ZBTB25: variants seen among roughly 807,000 people sequenced by gnomAD.
ZBTB25 encodes zinc finger and BTB domain containing 25.
ZBTB25 carries 20 observed loss-of-function variants against 34.2 expected under a neutral mutation model. The ratio of observed to expected loss-of-function variants is 0.58; its 90% CI spans 0.41 to 0.85. The LOEUF is 0.85. Among genes scored for constraint, ZBTB25 ranks in the 40% least tolerant of loss-of-function variants. The pLI is 0.00. For synonymous variants in ZBTB25, 175 were observed against 186.4 expected (o/e 0.94, Z 0.50); for missense variants, 437 against 521.8 (o/e 0.84, Z 1.58).
At chr14:64,472,070 A>G (rs769134019) in intron 2 of ZBTB25, 23 of 166,778 alleles carry the variant, frequency 1.4e-4, no homozygotes, top group Non-Finnish European at 2.3e-4. Flanking sequence ...AGTGTCATTC[A>G]AAACACATGA....
At chr14:64,467,141 C>A (rs956473438) in intron 2 of ZBTB25, 1 of 151,932 alleles carries the variant, frequency 6.6e-6, no homozygotes, top group African/African-American at 2.4e-5. Context: ...GATTAGTATC[C>A]CCAAACAATT....
chr14:64,458,538 G>A, intron 2 of ZBTB25: 2 of 550,566 alleles, frequency 3.6e-6, no homozygotes, highest in Non-Finnish European at 6.6e-6. Context: ...CTTGTCACAG[G>A]TTGACAGTGT....
chr14:64,455,343 A>AT (rs2078452624), intron 2 of ZBTB25, among the ~76,000 whole-genome samples: 2 of 152,240 alleles, frequency 1.3e-5, no homozygotes, highest in South Asian at 4.1e-4. Context: ...GAATTTCCCC[A>AT]TTAAAAAATG....
Position 64,487,243 on chromosome 14 carries a change from T to C in ZBTB25, c.988A>G (p.Lys330Glu). ...TTTAATTCTACTGGCTCTGTGTCTT[T>C]GGAGATCAAAGATACTTGACTGATC... ...LQISQVSLIS[K>E]DTEPVELNCN... is the part of the protein sequence containing the mutation. Residue 330 changes from lysine to glutamate, a missense_variant, in exon 3 of 3, where the codon AAA (lysine) becomes GAA (glutamate). Transcript: ENST00000608382. 1.2e-6 allele frequency: 2 copies of C among 1,614,128 alleles called. No individual in the cohort carries two copies. Among genetic ancestry groups the C allele is most frequent in the Non-Finnish European group, 1.7e-6 (2 of 1,180,032 alleles).
At chr14:64,477,353 T>TA (rs1490347716), downstream of ZBTB25, among the ~76,000 whole-genome samples, 8 of 152,142 alleles carry the variant, frequency 5.3e-5, no homozygotes, top group Non-Finnish European at 1.2e-4. Context: ...GCAAAACTGG[T>TA]ATGTTAATAG....
At chr14:64,458,825 T>C (rs2078517609) in intron 2 of ZBTB25, among the ~76,000 whole-genome samples, 1 of 152,198 alleles carries the variant, frequency 6.6e-6, no homozygotes, top group African/African-American at 2.4e-5. Context: ...ATGAGTGACA[T>C]TGCATTGTTT....
chr14:64,476,410 C>G (rs950443498), downstream of ZBTB25, among the ~76,000 whole-genome samples: 1 of 152,218 alleles, frequency 6.6e-6, no homozygotes, highest in African/African-American at 2.4e-5. Context: ...ACTGCAACCT[C>G]CACATCCCAG....
At chr14:64,477,934 C>T (rs943120616), downstream of ZBTB25, 4 of 152,252 alleles carry the variant, frequency 2.6e-5, no homozygotes, top group South Asian at 2.1e-4. Flanking sequence ...CTTCTCCAGC[C>T]CCCTGGCACA....
chr14:64,479,146 A>T lies in ZBTB25; in HGVS notation c.*7777T>A, dbSNP rs2078749828. 6.6e-6 allele frequency: 1 copy of T among 152,208 alleles called. No homozygotes were observed. The highest frequency in any genetic ancestry group is 2.1e-4 in the South Asian group (1 of 4,824). The allele number at this position is 152,208 out of a possible 1,614,324, so 9.4% of individuals were successfully genotyped here. ...CAATACTTGCTCTAAACATGACTAGAATAGAAATCCCCCAAATTGGGTTTC... is the reference window on the plus strand; with the variant it reads ...CAATACTTGCTCTAAACATGACTAGTATAGAAATCCCCCAAATTGGGTTTC... On this transcript the variant is annotated 3_prime_UTR_variant, in exon 3 of 3. Coordinates refer to ENST00000608382, the MANE Select transcript of ZBTB25 (RefSeq NM_006977.5).
At chr14:64,454,793 G>A in intron 2 of ZBTB25, 4 of 1,614,118 alleles carry the variant, frequency 2.5e-6, no homozygotes, top group South Asian at 1.1e-5. Flanking sequence ...GAGCAAAAAG[G>A]TGTCCCTACA....
chr14:64,453,131 A>G (rs1455954923), intron 2 of ZBTB25, among the ~76,000 whole-genome samples: 1 of 152,006 alleles, frequency 6.6e-6, no homozygotes, highest in Non-Finnish European at 1.5e-5. Flanking sequence ...ATGTAAGTAT[A>G]TATTTAAAAC....
At chr14:64,494,460 C>G (rs1566611441) in intron 1 of ZBTB25, among the ~76,000 whole-genome samples, 1 of 152,064 alleles carries the variant, frequency 6.6e-6, no homozygotes, top group Non-Finnish European at 1.5e-5. Flanking sequence ...TGGTGAGACC[C>G]CGTCTCTACT....
intron 2 of ZBTB25, among the ~76,000 whole-genome samples, chr14:64,464,750 A>T (rs2141000155): frequency 6.6e-6 from 1 of 152,232 alleles, no homozygotes; most frequent in East Asian, 1.9e-4. Context: ...TCCTGAAGGG[A>T]ATCATGGGTA....
chr14:64,503,288 T>G lies in ZBTB25; in HGVS notation c.-8+373A>C. On this transcript the variant is annotated intron_variant, in intron 1 of 2. Transcript: ENST00000608382. ...CAGCATCTGGAAAGTCGCCCGCTCG[T>G]AAGAGGGGTCGGCGCTACCCGAGGG... 1.1e-5 allele frequency: 11 copies of G among 985,368 alleles called. No individual in the cohort carries two copies. In the South Asian group the frequency reaches 5.2e-4, roughly 46 times the overall value. The allele number at this position is 985,368 out of a possible 1,614,324, so 61.0% of individuals were successfully genotyped here. A position where few individuals can be genotyped will look rare whatever the true frequency, so the allele number is the denominator to read the frequency against.
In ZBTB25 at chr14:64,484,919, A is replaced by G. The variant is rs1031332343; in HGVS notation, c.*2004T>C. 2.3e-5 allele frequency: 19 copies of G among 833,776 alleles called. 1 individual carries two copies. The highest frequency in any genetic ancestry group is 2.6e-5 in the Non-Finnish European group (18 of 691,834). The allele number at this position is 833,776 out of a possible 1,614,324, so 51.6% of individuals were successfully genotyped here. Reference sequence around the variant, plus strand: ...TTGCTTAAGTGAATTGGTAGAAAAAAGTTTAAGATTAGACAAAGTTCTGAC... The same window carrying G: ...TTGCTTAAGTGAATTGGTAGAAAAAGGTTTAAGATTAGACAAAGTTCTGAC... On this transcript the variant is annotated 3_prime_UTR_variant, in exon 3 of 3. Coordinates refer to ENST00000608382, the MANE Select transcript of ZBTB25 (RefSeq NM_006977.5).
At chr14:64,461,565 T>A (rs1338859543) in intron 2 of ZBTB25, 1 of 130,620 alleles carries the variant, frequency 7.7e-6, no homozygotes, top group African/African-American at 3.4e-5. Flanking sequence ...TCTGGTACTT[T>A]TTTTTTCCTT....
chr14:64,468,915 C>G, intron 2 of ZBTB25: 1 of 1,614,124 alleles, frequency 6.2e-7, no homozygotes, highest in Non-Finnish European at 8.5e-7. Context: ...GATCAGGCAA[C>G]AAAGGCTAAG....
At chr14:64,476,866 G>T (rs1261624918), downstream of ZBTB25, among the ~76,000 whole-genome samples, 1 of 152,124 alleles carries the variant, frequency 6.6e-6, no homozygotes, top group African/African-American at 2.4e-5. Flanking sequence ...TCTGGCTGTT[G>T]TGTTTTTCCT....
At chr14:64,496,580 T>A (rs570170083) in intron 1 of ZBTB25, among the ~76,000 whole-genome samples, 7 of 152,342 alleles carry the variant, frequency 4.6e-5, no homozygotes, top group African/African-American at 1.7e-4. Flanking sequence ...AAAGAAATTT[T>A]AAAATATTTA....
Sources: gnomAD v4.1 joint callset for allele counts (sites outside exome capture counted in the v4.1 genomes callset) on GRCh38, gnomAD v4.1.1 for gene constraint, MANE v1.5 for transcripts, NCBI Gene and HGNC (gene_info 2026-07-23, HGNC 2026-07-21) for gene names.